The following TSC22D1 variants were observed in gnomAD, a reference collection of about 807,000 sequenced individuals.
TSC22D1 encodes the protein TSC22 domain family member 1.
TSC22D1 carries 9 observed loss-of-function variants against 74.2 expected under a neutral mutation model. The ratio of observed to expected loss-of-function variants is 0.12; its 90% CI spans 0.07 to 0.21. The LOEUF (loss-of-function observed/expected upper bound fraction) is 0.21, where lower values mean the gene tolerates loss of function less well. Ranked by LOEUF, TSC22D1 falls within the 10% of genes least tolerant of loss-of-function variation. TSC22D1 has a pLI of 1.00. For missense variants in TSC22D1, 1,427 were observed against 1,304.7 expected, an observed-to-expected ratio of 1.09 and a Z score of -1.44; for synonymous variants, 586 against 492.5, an observed-to-expected ratio of 1.19 and a Z score of -2.51.
intron 1 of TSC22D1, among the ~76,000 whole-genome samples, chr13:44,452,344 T>C (rs1235700506): frequency 1.3e-5 from 2 of 152,206 alleles, no homozygotes; most frequent in African/African-American, 4.8e-5. Flanking sequence ...GTAGGTACCA[T>C]TCTTTTCTTC....
intron 1 of TSC22D1, among the ~76,000 whole-genome samples, chr13:44,548,016 T>A (rs951282904): frequency 1.1e-4 from 16 of 152,196 alleles, no homozygotes; most frequent in African/African-American, 3.9e-4. Context: ...AGCATAACCC[T>A]ATCATATATG....
At chr13:44,457,295 A>C (rs1876713314) in intron 1 of TSC22D1, among the ~76,000 whole-genome samples, 2 of 152,202 alleles carry the variant, frequency 1.3e-5, no homozygotes, top group South Asian at 4.1e-4. Context: ...ATTCTTTCGC[A>C]AAGGATAACT....
chr13:44,461,858 A>G (rs1877014964), intron 1 of TSC22D1, among the ~76,000 whole-genome samples: 1 of 152,206 alleles, frequency 6.6e-6, no homozygotes, highest in Admixed American at 6.5e-5. Context: ...AACCAGCGAA[A>G]TATCAACCCT....
intron 1 of TSC22D1, chr13:44,536,906 G>A (rs1881158571): frequency 7.3e-6 from 1 of 136,224 alleles, no homozygotes; most frequent in Non-Finnish European, 1.0e-5. Flanking sequence ...CACCTTAACA[G>A]TTCAAAAAAG....
chr13:44,526,701 G>C (rs1880563837), intron 1 of TSC22D1, among the ~76,000 whole-genome samples: 1 of 152,204 alleles, frequency 6.6e-6, no homozygotes, highest in African/African-American at 2.4e-5. Context: ...CATAGCAAGA[G>C]AAGTATGGTT....
chr13:44,436,838 G>A (rs1340774349), intron 1 of TSC22D1: 7 of 1,336,442 alleles, frequency 5.2e-6, no homozygotes, highest in Non-Finnish European at 6.7e-6. Flanking sequence ...ATCCGCAGCC[G>A]GGCTCCACTC....
At chr13:44,455,871 G>A (rs527967300) in intron 1 of TSC22D1, among the ~76,000 whole-genome samples, 22 of 152,258 alleles carry the variant, frequency 1.4e-4, no homozygotes, top group African/African-American at 4.3e-4. Context: ...TAAAAGAGAC[G>A]TCAATTTCAA....
intron 1 of TSC22D1, among the ~76,000 whole-genome samples, chr13:44,463,551 A>C (rs1420494406): frequency 1.3e-5 from 2 of 152,238 alleles, no homozygotes; most frequent in Non-Finnish European, 2.9e-5. Context: ...GTTGAATTTC[A>C]TTAGGAGGTT....
Position 44,480,506 on chromosome 13 carries a change from AG to A in TSC22D1, c.2913-44412del, listed in dbSNP as rs757659916. On this transcript the variant is annotated intron_variant, in intron 1 of 2. Transcript: ENST00000458659. ...TCTCTCACAGATGAGAGATGAAGGC[AG>A]CAGCGATCCCAGGACCAGCTGTTGA... Among the ~76,000 whole-genome samples the A allele has an allele frequency of 1.8e-4, 27 of 152,356 alleles. No homozygotes were observed. In the Middle Eastern group the frequency reaches 0.01, roughly 58 times the overall value.
At chr13:44,435,826 G>A in intron 2 of TSC22D1, 2 of 589,244 alleles carry the variant, frequency 3.4e-6, no homozygotes, top group East Asian at 3.0e-5. Flanking sequence ...AACCAGTCCG[G>A]GGAAGAAGAC....
chr13:44,474,558 C>T (rs965129459), intron 1 of TSC22D1, among the ~76,000 whole-genome samples: 2 of 152,102 alleles, frequency 1.3e-5, no homozygotes, highest in African/African-American at 4.8e-5. Context: ...ATCATTTCGT[C>T]TTGATCCCAA....
chr13:44,473,141 A>G (rs1877702998), intron 1 of TSC22D1, among the ~76,000 whole-genome samples: 1 of 152,194 alleles, frequency 6.6e-6, no homozygotes, highest in African/African-American at 2.4e-5. Flanking sequence ...TTAAAATATT[A>G]AATTTATTAA....
intron 1 of TSC22D1, among the ~76,000 whole-genome samples, chr13:44,505,160 G>A (rs1879389239): frequency 6.6e-6 from 1 of 152,162 alleles, no homozygotes; most frequent in South Asian, 2.1e-4. Flanking sequence ...CAAGCACAGT[G>A]GCTCATGCCT....
Position 44,573,355 on chromosome 13 carries a change from C to A in TSC22D1, c.2720G>T (p.Gly907Val). 1 of 1,614,226 alleles carries A rather than the reference C, an allele frequency of 6.2e-7. No homozygotes were observed. Among genetic ancestry groups the A allele is most frequent in the Non-Finnish European group, 8.5e-7 (1 of 1,180,048 alleles). The change falls in exon 1 of 3, where the codon GGA (glycine) becomes GTA (valine). Residue 907 changes from glycine to valine, a missense_variant. Gly to Val is a moderately radical substitution (Grantham distance 109). Coordinates refer to ENST00000458659, the MANE Select transcript of TSC22D1 (RefSeq NM_183422.4). ...FSAQSLAQAI[G>V]SQIEDARRAA... ...ACGCCTGGCATCTTCAATTTGGCTT[C>A]CAATTGCCTGAGCTAATGATTGTGC...
At chr13:44,553,370 A>G (rs1458984689) in intron 1 of TSC22D1, among the ~76,000 whole-genome samples, 1 of 152,028 alleles carries the variant, frequency 6.6e-6, no homozygotes, top group Non-Finnish European at 1.5e-5. Flanking sequence ...TTTTAGAATC[A>G]GTATTAGAAA....
At chr13:44,501,570 G>A (rs1483558768) in intron 1 of TSC22D1, among the ~76,000 whole-genome samples, 1 of 148,968 alleles carries the variant, frequency 6.7e-6, no homozygotes, top group Non-Finnish European at 1.5e-5. Context: ...GCCGGGTGGA[G>A]GGGGTAGCGT....
intron 1 of TSC22D1, among the ~76,000 whole-genome samples, chr13:44,530,693 A>G (rs1471556781): frequency 6.6e-6 from 1 of 152,150 alleles, no homozygotes; most frequent in Non-Finnish European, 1.5e-5. Context: ...GATTTTTAAA[A>G]TGGGTAAATA....
intron 1 of TSC22D1, among the ~76,000 whole-genome samples, chr13:44,527,505 C>T (rs1002595659): frequency 1.3e-4 from 20 of 151,842 alleles, no homozygotes; most frequent in African/African-American, 4.4e-4. Flanking sequence ...TCTAGGGCAA[C>T]TAAAACAAAA....
At chr13:44,481,991 T>A (rs371500220) in intron 1 of TSC22D1, among the ~76,000 whole-genome samples, 2 of 152,358 alleles carry the variant, frequency 1.3e-5, no homozygotes, top group East Asian at 1.9e-4. Flanking sequence ...TCTTAAGATG[T>A]CACAATTTCT....
Sources: allele counts gnomAD v4.1 joint callset (sites outside exome capture counted in the v4.1 genomes callset), GRCh38; gene constraint gnomAD v4.1.1; transcripts MANE v1.5; gene names NCBI Gene and HGNC (gene_info 2026-07-23, HGNC 2026-07-21).